Variants in ACOT7 observed in about 807,000 individuals in gnomAD.
The protein encoded by ACOT7 is acyl-CoA thioesterase 7.
A neutral mutation model predicts 40.2 loss-of-function variants in ACOT7; 12 were observed. That is an observed-to-expected ratio of 0.30 (90% CI 0.19 to 0.48). ACOT7 has a LOEUF of 0.48. ACOT7 is among the 20% of genes least tolerant of loss of function. The pLI, the probability that ACOT7 is intolerant of heterozygous loss-of-function variation, is 0.99. For synonymous variants in ACOT7, 228 were observed against 219.5 expected (o/e 1.04, Z -0.34); for missense variants, 395 against 530.8 (o/e 0.74, Z 2.51).
At chr1:6,362,148 G>A (rs1339711756) in intron 1 of ACOT7, among the ~76,000 whole-genome samples, 1 of 152,068 alleles carries the variant, frequency 6.6e-6, no homozygotes, top group African/African-American at 2.4e-5. Context: ...GTCAAGAGGT[G>A]GGCTGGGCAT....
At chr1:6,345,886 G>GGACGCTCTCCATGACGGTT (rs1641406309) in intron 2 of ACOT7, among the ~76,000 whole-genome samples, 1 of 152,336 alleles carries the variant, frequency 6.6e-6, no homozygotes, top group African/African-American at 2.4e-5. Flanking sequence ...CTTACTCGGT[G>GGACGCTCTCCATGACGGTT]GACGCTCTCC....
At position 6,330,066 on chromosome 1, in the gene ACOT7, G is replaced by GGT. The variant is rs145131866; in HGVS notation, c.511-2655_511-2654dup. Among the ~76,000 whole-genome samples the GGT allele has an allele frequency of 1.2e-3, 183 of 151,080 alleles. 2 individuals are homozygous for GGT. The highest frequency in any genetic ancestry group is 0.01 in the South Asian group (49 of 4,774). On this transcript the variant is annotated intron_variant, in intron 4 of 8. Coordinates refer to ENST00000361521, the MANE Select transcript of ACOT7 (RefSeq NM_007274.4). This position sits in a 1 kb window ranked among gnomAD's most constrained non-coding sequence, Gnocchi z 4.6. ...ATCCAGGAAACCAGTGTGTGTGTGT[G>GGT]GTGTGTGTGTGTGTGTGCGTGTTCA...
intron 6 of ACOT7, among the ~76,000 whole-genome samples, chr1:6,309,355 T>C (rs539351867): frequency 6.6e-6 from 1 of 152,144 alleles, no homozygotes; most frequent in Non-Finnish European, 1.5e-5. Context: ...GGAGGACAGC[T>C]CCAAGATATG....
intron 1 of ACOT7, among the ~76,000 whole-genome samples, chr1:6,380,650 G>A (rs1642317758): frequency 6.8e-6 from 1 of 147,810 alleles, no homozygotes; most frequent in Non-Finnish European, 1.5e-5. Flanking sequence ...TCAACAAATG[G>A]TGCTAAGGAA....
At chr1:6,336,750 C>T (rs938489536) in intron 3 of ACOT7, among the ~76,000 whole-genome samples, 3 of 134,948 alleles carry the variant, frequency 2.2e-5, no homozygotes, top group Non-Finnish European at 4.5e-5. Flanking sequence ...AGGCACTGTT[C>T]TTGCTGTTGG....
chr1:6,323,061 C>T (rs1007783899), intron 5 of ACOT7, among the ~76,000 whole-genome samples: 1 of 151,818 alleles, frequency 6.6e-6, no homozygotes, highest in Non-Finnish European at 1.5e-5. Flanking sequence ...ACCAGGGAGG[C>T]GAAGTTTGCA....
intron 1 of ACOT7, among the ~76,000 whole-genome samples, chr1:6,351,018 A>G (rs1407882209): frequency 1.3e-5 from 2 of 152,228 alleles, no homozygotes; most frequent in Non-Finnish European, 2.9e-5. Context: ...TACACAGTAG[A>G]TAGTCCACAC....
intron 1 of ACOT7, among the ~76,000 whole-genome samples, chr1:6,366,659 CTT>C (rs1318598183): frequency 8.4e-5 from 12 of 142,642 alleles, no homozygotes; most frequent in Non-Finnish European, 9.3e-5. Flanking sequence ...GTAGAACTTA[CTT>C]TTTTTTTTTT....
Position 6,358,951 on chromosome 1 carries a change from G to A in ACOT7, c.144-9085C>T, listed in dbSNP as rs1212536509. The stretch of plus-strand genomic sequence containing the variant: ...GACTGTCCCAGCTCCCTGCCACACC[G>A]GGCTTGGTGGGGAGCACCCCCCACC... On this transcript the variant is annotated intron_variant, in intron 1 of 8. Coordinates refer to ENST00000361521, the MANE Select transcript of ACOT7 (RefSeq NM_007274.4). The surrounding 1 kb of genome is among the most constrained non-coding windows in gnomAD (Gnocchi z 4.1). The A allele has an allele frequency of 2.3e-5, 34 of 1,505,026 alleles. No homozygotes were observed. Among genetic ancestry groups the A allele is most frequent in the South Asian group, 7.7e-5 (6 of 77,630 alleles). The allele number at this position is 1,505,026 out of a possible 1,614,324, so 93.2% of individuals were successfully genotyped here. A position where few individuals can be genotyped will look rare whatever the true frequency, so the allele number is the denominator to read the frequency against.
At chr1:6,348,998 G>C (rs938262720) in intron 2 of ACOT7, among the ~76,000 whole-genome samples, 2 of 152,180 alleles carry the variant, frequency 1.3e-5, no homozygotes, top group Non-Finnish European at 1.5e-5. Context: ...TGTGCTGACC[G>C]AGCCCCATAG....
At chr1:6,369,723 C>T (rs941364707) in intron 1 of ACOT7, among the ~76,000 whole-genome samples, 6 of 152,042 alleles carry the variant, frequency 3.9e-5, no homozygotes, top group East Asian at 1.9e-4. Context: ...GGACTACAGG[C>T]GCCCACCACC....
rs1454538178 is a variant in ACOT7, at chr1:6,352,855, G to C, written c.144-2989C>G. On this transcript the variant is annotated intron_variant, in intron 1 of 8. Coordinates refer to ENST00000361521, the MANE Select transcript of ACOT7 (RefSeq NM_007274.4). The surrounding 1 kb of genome is among the most constrained non-coding windows in gnomAD (Gnocchi z 4.5). The stretch of plus-strand genomic sequence containing the variant: ...CATTTCTAATAAAGACACGGGTACC[G>C]AAAGCACTTCATGTTCCTCTTTACT... 1.3e-5 allele frequency among the ~76,000 whole-genome samples: 2 copies of C among 151,394 alleles called. No individual in the cohort carries two copies. The highest frequency in any genetic ancestry group is 2.9e-5 in the Non-Finnish European group (2 of 67,908).
intron 6 of ACOT7, among the ~76,000 whole-genome samples, chr1:6,307,237 A>C (rs1050932047): frequency 2.0e-5 from 3 of 152,240 alleles, no homozygotes; most frequent in Non-Finnish European, 4.4e-5. Flanking sequence ...AGCGGTCATT[A>C]CGTGTTTCTC....
At chr1:6,336,431 A>G (rs1287902326) in intron 3 of ACOT7, among the ~76,000 whole-genome samples, 1 of 151,916 alleles carries the variant, frequency 6.6e-6, no homozygotes, top group African/African-American at 2.4e-5. Flanking sequence ...AGTTAGCTTA[A>G]TATTTTGACA....
At chr1:6,326,700 C>T (rs908858217) in intron 5 of ACOT7, among the ~76,000 whole-genome samples, 2 of 152,128 alleles carry the variant, frequency 1.3e-5, no homozygotes, top group African/African-American at 2.4e-5. Flanking sequence ...CCAAGGCAGG[C>T]TCATCACTTG....
intron 1 of ACOT7, among the ~76,000 whole-genome samples, chr1:6,384,496 T>C (rs1642403145): frequency 6.6e-6 from 1 of 151,848 alleles, no homozygotes; most frequent in African/African-American, 2.4e-5. Context: ...ACCCAAAAAT[T>C]ATATTCCTAG....
chr1:6,321,748 C>T (rs1425863084), intron 5 of ACOT7, among the ~76,000 whole-genome samples: 1 of 152,222 alleles, frequency 6.6e-6, no homozygotes, highest in Non-Finnish European at 1.5e-5. Context: ...GTGATCCACC[C>T]ACCTCAGCCT....
chr1:6,393,491 GC>G lies in ACOT7; in HGVS notation c.-93del, dbSNP rs556497166. Reference sequence around the variant, plus strand: ...AACGCGGCCTCCCCGCGCCGACCCCGCCCCCGCGCCGGCCCCACCCCGAGCC... The same window carrying G: ...AACGCGGCCTCCCCGCGCCGACCCCGCCCCGCGCCGGCCCCACCCCGAGCC... On this transcript the variant is annotated 5_prime_UTR_variant, in exon 1 of 9. Coordinates refer to ENST00000361521, the MANE Select transcript of ACOT7 (RefSeq NM_007274.4). 2.7e-6 allele frequency: 3 copies of G among 1,113,122 alleles called. No homozygotes were observed. In the South Asian group the frequency reaches 1.4e-4, roughly 51 times the overall value. The allele number at this position is 1,113,122 out of a possible 1,614,324, so 69.0% of individuals were successfully genotyped here. A position where few individuals can be genotyped will look rare whatever the true frequency, so the allele number is the denominator to read the frequency against.
intron 3 of ACOT7, among the ~76,000 whole-genome samples, chr1:6,336,406 C>T (rs573039322): frequency 1.3e-5 from 2 of 149,642 alleles, no homozygotes; most frequent in Non-Finnish European, 3.0e-5. Context: ...GAGCAATTCA[C>T]AGCAATCACA....
Sources: gnomAD v4.1 joint callset for allele counts (sites outside exome capture counted in the v4.1 genomes callset) on GRCh38, gnomAD v4.1.1 for gene constraint, Gnocchi (gnomAD v3.1) non-coding constraint, MANE v1.5 for transcripts, NCBI Gene and HGNC (gene_info 2026-07-23, HGNC 2026-07-21) for gene names.